STXBP4: variants seen among roughly 807,000 people sequenced by gnomAD.
The protein encoded by STXBP4 is syntaxin-binding protein 4.
Under a neutral mutation model 76.1 loss-of-function variants are expected in STXBP4, and 55 were observed. The ratio of observed to expected loss-of-function variants is 0.72; its 90% CI spans 0.58 to 0.91. The LOEUF (loss-of-function observed/expected upper bound fraction) is 0.91. Among genes scored for constraint, STXBP4 ranks in the 40% least tolerant of loss-of-function variants. The probability of loss-of-function intolerance (pLI) is 0.00; values close to 1 mark genes in which losing one functional copy is unlikely to be tolerated. For missense variants in STXBP4, 618 were observed against 636.9 expected (o/e 0.97, Z 0.32); for synonymous variants, 201 against 220.2 (o/e 0.91, Z 0.77).
At chr17:55,039,506 T>C (rs188384400) in intron 10 of STXBP4, among the ~76,000 whole-genome samples, 1 of 152,248 alleles carries the variant, frequency 6.6e-6, no homozygotes, top group East Asian at 1.9e-4. Context: ...AGGAATCATA[T>C]GTGTTGGTTA....
At position 54,977,041 on chromosome 17, in the gene STXBP4, G is replaced by A. The variant is rs144664780; in HGVS notation, c.-157+8226G>A. Among the ~76,000 whole-genome samples the A allele has an allele frequency of 1.5e-3, 235 of 152,052 alleles. 7 individuals carry two copies. In the East Asian group the frequency reaches 0.041, roughly 27 times the overall value. On this transcript the variant is annotated intron_variant, in intron 1 of 17. Transcript: ENST00000376352. ...AGGGATACAAATTTCCCATCTCCTT[G>A]GCTGCGGCACCCAGTTAAAGCCTTC...
At chr17:55,182,406 A>G in the STXBP4 span, among the ~76,000 whole-genome samples, 1 of 152,202 alleles carries the variant, frequency 6.6e-6, no homozygotes, top group Non-Finnish European at 1.5e-5. Flanking sequence ...TTATGCAAGA[A>G]GGAACAAAAG....
intron 16 of STXBP4, among the ~76,000 whole-genome samples, chr17:55,106,210 A>T (rs2079632600): frequency 6.6e-6 from 1 of 151,356 alleles, no homozygotes; most frequent in East Asian, 1.9e-4. Context: ...CCATTATATA[A>T]TGCCCTTCTT....
At chr17:55,211,915 A>G in the STXBP4 span, among the ~76,000 whole-genome samples, 1 of 139,524 alleles carries the variant, frequency 7.2e-6, no homozygotes, top group Non-Finnish European at 1.5e-5. Flanking sequence ...GGTTCAAGCC[A>G]TTCTCCTGCC....
chr17:54,971,715 G>A (rs1435834670), intron 1 of STXBP4, among the ~76,000 whole-genome samples: 1 of 152,096 alleles, frequency 6.6e-6, no homozygotes, highest in Admixed American at 6.5e-5. Context: ...GTTGATTTTA[G>A]TTGTCATGCC....
At position 55,123,292 on chromosome 17, in the gene STXBP4, G is replaced by T. The variant is rs149973785; in HGVS notation, c.1490-18018G>T. Reference sequence around the variant, plus strand: ...ATTTAAGGGAAGAGGTAGCAGAATTGGTGTCTGGCTTACTTGGTATGATGG... The same window carrying T: ...ATTTAAGGGAAGAGGTAGCAGAATTTGTGTCTGGCTTACTTGGTATGATGG... On this transcript the variant is annotated intron_variant, in intron 16 of 17. Transcript: ENST00000376352. Among the ~76,000 whole-genome samples the T allele has an allele frequency of 3.3e-3, 505 of 152,142 alleles. 1 individual carries two copies. Among genetic ancestry groups the T allele is most frequent in the African/African-American group, 0.011 (470 of 41,496 alleles).
At chr17:55,182,356 G>A in the STXBP4 span, among the ~76,000 whole-genome samples, 34 of 152,064 alleles carry the variant, frequency 2.2e-4, no homozygotes, top group African/African-American at 8.0e-4. Flanking sequence ...CAGCAGTTAG[G>A]CACAACTTAA....
intron 3 of STXBP4, among the ~76,000 whole-genome samples, chr17:54,987,323 C>T (rs1421886971): frequency 6.6e-6 from 1 of 152,032 alleles, no homozygotes; most frequent in African/African-American, 2.4e-5. Context: ...TTTGGTTAAG[C>T]CAATGCATAT....
intron 16 of STXBP4, among the ~76,000 whole-genome samples, chr17:55,085,736 G>A (rs2144937812): frequency 6.6e-6 from 1 of 152,168 alleles, no homozygotes; most frequent in South Asian, 2.1e-4. Context: ...AAGACCCTCT[G>A]GGGTAAGTTC....
chr17:54,991,774 T>C (rs1467014767), intron 4 of STXBP4: 3 of 150,504 alleles, frequency 2.0e-5, no homozygotes, highest in Admixed American at 1.3e-4. Context: ...CATTTGATTT[T>C]GGAGAGATAT....
At chr17:55,012,714 G>A (rs2078136527) in intron 8 of STXBP4, among the ~76,000 whole-genome samples, 1 of 152,102 alleles carries the variant, frequency 6.6e-6, no homozygotes, top group African/African-American at 2.4e-5. Flanking sequence ...CTAGTTCCTG[G>A]AGTGAGGGGA....
the STXBP4 span, among the ~76,000 whole-genome samples, chr17:55,188,408 C>G: frequency 4.6e-5 from 7 of 152,176 alleles, no homozygotes; most frequent in African/African-American, 1.4e-4. Context: ...TGCATCAAGT[C>G]TAAACCAGAG....
At chr17:55,199,312 C>T in the STXBP4 span, among the ~76,000 whole-genome samples, 3 of 152,284 alleles carry the variant, frequency 2.0e-5, no homozygotes, top group African/African-American at 7.2e-5. Context: ...GAAAACAGTA[C>T]TCTGTGAATT....
intron 9 of STXBP4, among the ~76,000 whole-genome samples, chr17:55,032,236 C>CTG (rs2078521874): frequency 6.6e-6 from 1 of 151,462 alleles, no homozygotes; most frequent in South Asian, 2.1e-4. Flanking sequence ...TATAAAGCAT[C>CTG]TGTATTGCTG....
intron 16 of STXBP4, among the ~76,000 whole-genome samples, chr17:55,113,882 G>A (rs1000672666): frequency 1.3e-5 from 2 of 152,006 alleles, no homozygotes; most frequent in African/African-American, 4.8e-5. Flanking sequence ...CTAACAGCAT[G>A]GGCTCAAGAA....
At position 55,169,847 on chromosome 17, in the gene STXBP4, A is replaced by C. The variant is rs1722012294; in HGVS notation, c.*9936A>C. On this transcript the variant is annotated 3_prime_UTR_variant, in exon 18 of 18. Coordinates refer to ENST00000376352, the MANE Select transcript of STXBP4 (RefSeq NM_178509.6). ...ATGTCTAAACAATCCAAGACAGATAATTTTGTAGTATTTACTGTGTGAAGT... is the reference window on the plus strand; with the variant it reads ...ATGTCTAAACAATCCAAGACAGATACTTTTGTAGTATTTACTGTGTGAAGT... 6.6e-6 allele frequency: 1 copy of C among 152,228 alleles called. No individual in the cohort carries two copies. Among genetic ancestry groups the C allele is most frequent in the African/African-American group, 2.4e-5 (1 of 41,464 alleles). 9.4% of individuals were successfully genotyped at this position (152,228 alleles called of 1,614,324 possible). A position where few individuals can be genotyped will look rare whatever the true frequency, so the allele number is the denominator to read the frequency against.
intron 16 of STXBP4, among the ~76,000 whole-genome samples, chr17:55,094,927 T>C (rs2079464670): frequency 6.6e-6 from 1 of 152,186 alleles, no homozygotes; most frequent in Non-Finnish European, 1.5e-5. Context: ...TCCCACATAT[T>C]GTGAGTTTTC....
intron 8 of STXBP4, among the ~76,000 whole-genome samples, chr17:55,026,532 G>A (rs115923888): frequency 0.013 from 2,025 of 152,224 alleles, 34 homozygotes; most frequent in African/African-American, 0.046. Context: ...CTATGAGCCA[G>A]CCAAAAAACT....
chr17:55,194,460 C>G, the STXBP4 span, among the ~76,000 whole-genome samples: 1 of 152,122 alleles, frequency 6.6e-6, no homozygotes, highest in African/African-American at 2.4e-5. Context: ...TTTGGCCTGT[C>G]CCCCATCCCG....
Sources: gnomAD v4.1 joint callset for allele counts (sites outside exome capture counted in the v4.1 genomes callset) on GRCh38, gnomAD v4.1.1 for gene constraint, MANE v1.5 for transcripts, NCBI Gene and HGNC (gene_info 2026-07-23, HGNC 2026-07-21) for gene names.